Variants in LARGE1 observed in about 807,000 individuals in gnomAD.
LARGE1 encodes the protein LARGE xylosyl- and glucuronyltransferase 1.
LARGE1 carries 43 observed loss-of-function variants against 87.6 expected under a neutral mutation model. The ratio of observed to expected loss-of-function variants is 0.49; its 90% confidence interval spans 0.38 to 0.63. The LOEUF (loss-of-function observed/expected upper bound fraction) is 0.63, where lower values mean the gene tolerates loss of function less well. Among genes scored for constraint, LARGE1 ranks in the 30% least tolerant of loss-of-function variants. LARGE1 has a pLI of 0.00. For missense variants in LARGE1, 802 were observed against 1,000.2 expected (o/e 0.80, Z 2.67); for synonymous variants, 434 against 394.6 (o/e 1.10, Z -1.18).
At chr22:33,428,650 C>T (rs1047003215) in intron 7 of LARGE1, among the ~76,000 whole-genome samples, 2 of 145,714 alleles carry the variant, frequency 1.4e-5, no homozygotes, top group Admixed American at 6.8e-5. Flanking sequence ...CTGCTGGGCA[C>T]GGTGGCTCAT....
At chr22:33,247,318 T>C (rs1447350611) in intron 11 of LARGE1, among the ~76,000 whole-genome samples, 1 of 152,204 alleles carries the variant, frequency 6.6e-6, no homozygotes, top group African/African-American at 2.4e-5. Context: ...AATCTATCAT[T>C]TCAGAGCTAA....
rs3072310 is a variant in LARGE1, at chr22:33,795,996, TAA to T, written c.-82-34440_-82-34439del. On this transcript the variant is annotated intron_variant, in intron 1 of 14. Transcript: ENST00000397394. ...ACATGTACCCTAAAACTTAAAGTAT[TAA>T]AAAAAAAAAAAAGAACATAGGCTGT... Among the ~76,000 whole-genome samples, 351 of 143,356 alleles carry T rather than the reference TAA, an allele frequency of 2.4e-3. 5 individuals are homozygous for T. The highest frequency in any genetic ancestry group is 8.3e-3 in the African/African-American group (326 of 39,180). 94.0% of individuals were successfully genotyped at this position (143,356 alleles called of 152,430 possible). A position where few individuals can be genotyped will look rare whatever the true frequency, so the allele number is the denominator to read the frequency against.
At chr22:33,431,239 C>A (rs2067069266) in intron 7 of LARGE1, among the ~76,000 whole-genome samples, 1 of 152,172 alleles carries the variant, frequency 6.6e-6, no homozygotes. Flanking sequence ...TGCTTATACA[C>A]CCCATGAGGT....
intron 2 of LARGE1, among the ~76,000 whole-genome samples, chr22:33,734,874 T>C (rs5994791): frequency 0.17 from 26,424 of 152,062 alleles, 4,144 homozygotes; most frequent in African/African-American, 0.43. Flanking sequence ...CTGGCTACCA[T>C]GGAATGCCTC....
At chr22:33,897,582 GA>G (rs2065177744) in intron 1 of LARGE1, among the ~76,000 whole-genome samples, 1 of 152,200 alleles carries the variant, frequency 6.6e-6, no homozygotes, top group Non-Finnish European at 1.5e-5. Context: ...CAGTGAAGGT[GA>G]AATCAGAGGG....
chr22:33,509,399 T>A lies in LARGE1; in HGVS notation c.787+55449A>T, dbSNP rs117879324. 3.1e-3 allele frequency among the ~76,000 whole-genome samples: 466 copies of A among 152,238 alleles called. 4 individuals are homozygous for A. Among genetic ancestry groups the A allele is most frequent in the South Asian group, 0.019 (90 of 4,812 alleles). ...TTGGAGGTCCCAAGCACACATTCCA[T>A]TGCAAGGATGAAATGGTGTCATGTT... is the stretch of plus-strand genomic sequence containing the variant. On this transcript the variant is annotated intron_variant, in intron 6 of 14. Coordinates refer to ENST00000397394, the MANE Select transcript of LARGE1 (RefSeq NM_133642.5).
intron 6 of LARGE1, among the ~76,000 whole-genome samples, chr22:33,454,243 A>G (rs2068045046): frequency 6.6e-6 from 1 of 152,156 alleles, no homozygotes; most frequent in Non-Finnish European, 1.5e-5. Flanking sequence ...TGTTTCCCAT[A>G]GTAATCCTAG....
At chr22:33,785,114 T>C (rs899337014) in intron 1 of LARGE1, among the ~76,000 whole-genome samples, 1 of 63,248 alleles carries the variant, frequency 1.6e-5, no homozygotes, top group Admixed American at 1.4e-4. Flanking sequence ...TACATACATA[T>C]GTGTATATGC....
chr22:33,421,578 T>G (rs1377432678), intron 7 of LARGE1, among the ~76,000 whole-genome samples: 1 of 152,190 alleles, frequency 6.6e-6, no homozygotes, highest in Non-Finnish European at 1.5e-5. Context: ...AAAAACAAGG[T>G]AACTATGCCT....
At chr22:33,229,647 G>A (rs1568981913) in intron 11 of LARGE1, among the ~76,000 whole-genome samples, 1 of 152,058 alleles carries the variant, frequency 6.6e-6, no homozygotes, top group African/African-American at 2.4e-5. Flanking sequence ...ATAAGAAGGT[G>A]CAAGGACATA....
intron 6 of LARGE1, among the ~76,000 whole-genome samples, chr22:33,496,269 G>T (rs898938142): frequency 6.6e-6 from 1 of 152,122 alleles, no homozygotes; most frequent in African/African-American, 2.4e-5. Flanking sequence ...CTAGTCCACT[G>T]ACTCAAATGT....
chr22:33,653,110 C>T (rs240340), intron 2 of LARGE1, among the ~76,000 whole-genome samples: 73,961 of 152,058 alleles, frequency 0.49, 20,641 homozygotes, highest in Middle Eastern at 0.65. Flanking sequence ...CAACCAACAT[C>T]GACCCTTTGA....
intron 7 of LARGE1, among the ~76,000 whole-genome samples, chr22:33,406,912 C>T (rs1010746316): frequency 6.6e-6 from 1 of 152,102 alleles, no homozygotes; most frequent in Non-Finnish European, 1.5e-5. Context: ...CCTGCTTCAG[C>T]CTCCCAAGGA....
chr22:33,542,358 C>T (rs558234688), intron 6 of LARGE1, among the ~76,000 whole-genome samples: 7 of 151,862 alleles, frequency 4.6e-5, no homozygotes, highest in South Asian at 4.2e-4. Flanking sequence ...GGGCAGATTT[C>T]GTCATTCTTC....
At chr22:33,469,832 A>G (rs1161810673) in intron 6 of LARGE1, among the ~76,000 whole-genome samples, 1 of 146,154 alleles carries the variant, frequency 6.8e-6, no homozygotes, top group Non-Finnish European at 1.5e-5. Flanking sequence ...CATCTTAAAA[A>G]CAAAAAACAA....
chr22:33,753,081 G>A (rs542061790), intron 2 of LARGE1, among the ~76,000 whole-genome samples: 2 of 152,240 alleles, frequency 1.3e-5, no homozygotes, highest in Non-Finnish European at 2.9e-5. Context: ...TTACCTGGGC[G>A]TGGTGGCACG....
At chr22:33,891,034 CTGCATACGGTTCTGTGCATAT>C (rs2064992628) in intron 1 of LARGE1, among the ~76,000 whole-genome samples, 1 of 8,924 alleles carries the variant, frequency 1.1e-4, no homozygotes, top group Non-Finnish European at 1.8e-4. Flanking sequence ...ATATGGGAAG[CTGCATACGGTTCTGTGCATAT>C]GGGAAGCTGC....
At chr22:33,203,891 C>A (rs1407949940) in intron 11 of LARGE1, among the ~76,000 whole-genome samples, 1 of 152,176 alleles carries the variant, frequency 6.6e-6, no homozygotes, top group Non-Finnish European at 1.5e-5. Flanking sequence ...CCCATCATCG[C>A]CTCTTCCCTA....
At chr22:33,122,265 C>A in the LARGE1 span, among the ~76,000 whole-genome samples, 1 of 152,018 alleles carries the variant, frequency 6.6e-6, no homozygotes, top group Admixed American at 6.6e-5. Flanking sequence ...CCCCCCTCCA[C>A]ACAGTAAATG....
Sources: allele counts gnomAD v4.1 joint callset (sites outside exome capture counted in the v4.1 genomes callset), GRCh38; gene constraint gnomAD v4.1.1; transcripts MANE v1.5; gene names NCBI Gene and HGNC (gene_info 2026-07-23, HGNC 2026-07-21).